Variants in COG5 observed in about 807,000 individuals in gnomAD.
COG5 encodes conserved oligomeric Golgi complex subunit 5.
In COG5, 86 loss-of-function variants were observed where a neutral mutation model predicts 110.4. That is an observed-to-expected ratio of 0.78 (90% CI 0.65 to 0.93). The LOEUF is 0.93. COG5 is among the 40% of genes least tolerant of loss of function. The probability of loss-of-function intolerance (pLI) is 0.00; values close to 1 mark genes in which losing one functional copy is unlikely to be tolerated. For synonymous variants in COG5, 360 were observed against 334.6 expected (o/e 1.08, Z -0.83); for missense variants, 1,077 against 987.0 (o/e 1.09, Z -1.22).
intron 10 of COG5, among the ~76,000 whole-genome samples, chr7:107,348,125 CAAAAAA>C (rs34140927): frequency 7.2e-4 from 37 of 51,248 alleles, no homozygotes; most frequent in Non-Finnish European, 9.4e-4. Context: ...GACTCCATCT[CAAAAAA>C]AAAAAAAAAA....
intron 11 of COG5, among the ~76,000 whole-genome samples, chr7:107,317,012 C>T (rs796102420): frequency 8.5e-5 from 13 of 152,104 alleles, no homozygotes; most frequent in African/African-American, 3.1e-4. Context: ...AAAAGTTTCT[C>T]ATTGAAATTT....
chr7:107,237,531 A>C (rs1801296816), intron 17 of COG5, among the ~76,000 whole-genome samples: 1 of 152,222 alleles, frequency 6.6e-6, no homozygotes, highest in Non-Finnish European at 1.5e-5. Context: ...TGGTCTATAG[A>C]AGAACAACAG....
At chr7:107,263,480 T>A (rs1245417306) in intron 14 of COG5, among the ~76,000 whole-genome samples, 4 of 152,158 alleles carry the variant, frequency 2.6e-5, no homozygotes, top group African/African-American at 9.7e-5. Flanking sequence ...TACTGGTTAA[T>A]CATGTTACAC....
chr7:107,539,549 G>C (rs1455586246), intron 5 of COG5, among the ~76,000 whole-genome samples: 1 of 152,148 alleles, frequency 6.6e-6, no homozygotes, highest in Non-Finnish European at 1.5e-5. Context: ...GTAGAGAAGT[G>C]GATAGAGGGA....
intron 17 of COG5, among the ~76,000 whole-genome samples, chr7:107,246,640 T>C (rs1802081640): frequency 6.6e-6 from 1 of 152,042 alleles, no homozygotes; most frequent in African/African-American, 2.4e-5. Flanking sequence ...CCACTGATCA[T>C]TAGAGAAATG....
chr7:107,412,300 T>G (rs771641069), intron 7 of COG5, among the ~76,000 whole-genome samples: 2 of 152,074 alleles, frequency 1.3e-5, no homozygotes, highest in Admixed American at 6.5e-5. Flanking sequence ...TTAGAAACAT[T>G]AGGTCTATTT....
At chr7:107,260,091 T>TATATATATATATATATATATATATA (rs1803210418) in intron 14 of COG5, among the ~76,000 whole-genome samples, 1 of 150,686 alleles carries the variant, frequency 6.6e-6, no homozygotes, top group Non-Finnish European at 1.5e-5. Flanking sequence ...TATATATATA[T>TATATATATATATATATATATATATA]ATGAAATAAA....
intron 19 of COG5, among the ~76,000 whole-genome samples, chr7:107,211,438 C>G (rs989974741): frequency 6.6e-6 from 1 of 152,136 alleles, no homozygotes; most frequent in Admixed American, 6.5e-5. Flanking sequence ...CCTTCAGCTC[C>G]CATTTGACCC....
chr7:107,314,582 CAAAAAAA>C (rs764317288), intron 11 of COG5, among the ~76,000 whole-genome samples: 4 of 55,060 alleles, frequency 7.3e-5, no homozygotes, highest in Non-Finnish European at 1.2e-4. Flanking sequence ...ATCTCTACTA[CAAAAAAA>C]AAAAAAAAAA....
chr7:107,273,394 T>C (rs544748294), intron 14 of COG5, among the ~76,000 whole-genome samples: 21 of 152,342 alleles, frequency 1.4e-4, no homozygotes, highest in Non-Finnish European at 2.9e-4. Context: ...TTGACACTTT[T>C]ATCTCCCAGA....
Position 107,201,464 on chromosome 7 carries a change from G to A in COG5, c.*2052C>T, listed in dbSNP as rs760018179. 1 of 1,413,266 alleles carries A rather than the reference G, an allele frequency of 7.1e-7. No individual in the cohort carries two copies. The highest frequency in any genetic ancestry group is 1.0e-6 in the Non-Finnish European group (1 of 1,000,988). The allele number at this position is 1,413,266 out of a possible 1,614,324, so 87.5% of individuals were successfully genotyped here. A position where few individuals can be genotyped will look rare whatever the true frequency, so the allele number is the denominator to read the frequency against. On this transcript the variant is annotated 3_prime_UTR_variant, in exon 22 of 22. Coordinates refer to ENST00000297135, the MANE Select transcript of COG5 (RefSeq NM_006348.5). ...TGCTTATGTTCTTAAGTCTATATTT[G>A]CATATACATTGACTCTTGATGGAAA... is the stretch of plus-strand genomic sequence containing the variant.
At chr7:107,248,776 G>C (rs1802257792) in intron 16 of COG5, among the ~76,000 whole-genome samples, 1 of 152,094 alleles carries the variant, frequency 6.6e-6, no homozygotes, top group Non-Finnish European at 1.5e-5. Context: ...AAAAAGGGAA[G>C]GCATACGCAA....
intron 6 of COG5, among the ~76,000 whole-genome samples, chr7:107,481,111 G>A (rs559489872): frequency 2.6e-5 from 4 of 152,108 alleles, no homozygotes; most frequent in Non-Finnish European, 4.4e-5. Flanking sequence ...ATCAAACCCC[G>A]AAGCATCAAG....
At chr7:107,266,339 A>T (rs909141803) in intron 14 of COG5, among the ~76,000 whole-genome samples, 1 of 152,178 alleles carries the variant, frequency 6.6e-6, no homozygotes, top group Non-Finnish European at 1.5e-5. Flanking sequence ...CTGGTTTCAT[A>T]AATAAGATAC....
chr7:107,210,752 CT>C (rs1357028780), intron 20 of COG5, 147 bp from the exon 21 acceptor site: 3 of 914,642 alleles, frequency 3.3e-6, no homozygotes, highest in East Asian at 2.6e-5. Context: ...GGGCATAGGC[CT>C]TGGTGCACCT....
At chr7:107,440,659 A>C (rs943216153) in intron 6 of COG5, among the ~76,000 whole-genome samples, 2 of 152,198 alleles carry the variant, frequency 1.3e-5, no homozygotes, top group Non-Finnish European at 2.9e-5. Flanking sequence ...AAAGAGGCTG[A>C]AAACTGAGTC....
At chr7:107,505,872 G>C (rs114302722) in intron 6 of COG5, among the ~76,000 whole-genome samples, 2,257 of 152,276 alleles carry the variant, frequency 0.015, 56 homozygotes, top group African/African-American at 0.052. Context: ...TGCCCAGTGT[G>C]GCTGCCATAC....
At chr7:107,249,285 G>A (rs1469220901) in intron 16 of COG5, among the ~76,000 whole-genome samples, 1 of 152,068 alleles carries the variant, frequency 6.6e-6, no homozygotes, top group Non-Finnish European at 1.5e-5. Context: ...GGGTACAAGT[G>A]TGTTACTAGC....
intron 7 of COG5, among the ~76,000 whole-genome samples, chr7:107,398,463 C>T (rs147866059): frequency 2.0e-5 from 3 of 152,146 alleles, no homozygotes; most frequent in African/African-American, 7.2e-5. Flanking sequence ...CATAGGAGTG[C>T]GAACCCTATT....
Sources: gnomAD v4.1 joint callset for allele counts (sites outside exome capture counted in the v4.1 genomes callset) on GRCh38, gnomAD v4.1.1 for gene constraint, MANE v1.5 for transcripts, NCBI Gene and HGNC (gene_info 2026-07-23, HGNC 2026-07-21) for gene names.